ARHGAP18: variants seen among roughly 807,000 people sequenced by gnomAD.
The protein encoded by ARHGAP18 is Rho GTPase activating protein 18.
A neutral mutation model predicts 86.2 loss-of-function variants in ARHGAP18; 67 were observed. That is an observed-to-expected ratio of 0.78 (90% CI 0.64 to 0.95). ARHGAP18 has a LOEUF of 0.95. Ranked by LOEUF, ARHGAP18 falls within the 40% of genes least tolerant of loss-of-function variation. The pLI, the probability that ARHGAP18 is intolerant of heterozygous loss-of-function variation, is 0.00. For synonymous variants in ARHGAP18, 283 were observed against 280.4 expected, an observed-to-expected ratio of 1.01 and a Z score of -0.09; for missense variants, 691 against 780.4, an observed-to-expected ratio of 0.89 and a Z score of 1.37.
chr6:129,610,549 G>T (rs186200442), intron 8 of ARHGAP18, among the ~76,000 whole-genome samples: 1 of 152,344 alleles, frequency 6.6e-6, no homozygotes, highest in South Asian at 2.1e-4. Flanking sequence ...AGAGTGTCTC[G>T]TCTGGCCGGC....
intron 1 of ARHGAP18, among the ~76,000 whole-genome samples, chr6:129,693,383 C>T (rs1341909992): frequency 6.6e-6 from 1 of 152,156 alleles, no homozygotes; most frequent in Non-Finnish European, 1.5e-5. Context: ...GTTTCTGTGT[C>T]ATGCTGGTTC....
intron 1 of ARHGAP18, among the ~76,000 whole-genome samples, chr6:129,675,400 A>G (rs1274154334): frequency 6.6e-6 from 1 of 151,930 alleles, no homozygotes; most frequent in East Asian, 1.9e-4. Context: ...AAAAAAAAAA[A>G]AGAGGTTGAG....
chr6:129,641,756 G>A (rs1294937840), intron 2 of ARHGAP18, 60 bp downstream of exon 2: 3 of 1,396,894 alleles, frequency 2.1e-6, no homozygotes, highest in South Asian at 1.3e-5. Context: ...TCCTTTCTAT[G>A]CATTCATTTC....
At chr6:129,592,584 G>A (rs1788539697) in intron 12 of ARHGAP18, among the ~76,000 whole-genome samples, 1 of 152,194 alleles carries the variant, frequency 6.6e-6, no homozygotes. Flanking sequence ...ATGAGAGAAA[G>A]CCTTTTGTTT....
chr6:129,601,655 T>A (rs1385809151), intron 10 of ARHGAP18, among the ~76,000 whole-genome samples: 1 of 147,562 alleles, frequency 6.8e-6, no homozygotes. Context: ...TGAGACCAGG[T>A]CTCACTCTGT....
chr6:129,709,151 T>G (rs551213272), intron 1 of ARHGAP18, among the ~76,000 whole-genome samples: 1 of 152,352 alleles, frequency 6.6e-6, no homozygotes, highest in African/African-American at 2.4e-5. Context: ...GAAATGTGCT[T>G]ACCGATAACT....
intron 1 of ARHGAP18, among the ~76,000 whole-genome samples, 164 bp downstream of exon 1, chr6:129,709,860 A>G (rs1181712588): frequency 1.3e-5 from 2 of 152,248 alleles, no homozygotes; most frequent in Non-Finnish European, 2.9e-5. Context: ...ACTAGGTGAG[A>G]TGAAAAGTAC....
chr6:129,652,915 C>T (rs1463878707), intron 1 of ARHGAP18, among the ~76,000 whole-genome samples: 2 of 152,076 alleles, frequency 1.3e-5, no homozygotes, highest in African/African-American at 4.8e-5. Flanking sequence ...CGTGGTTTTC[C>T]TTATTTCCTA....
chr6:129,600,625 A>T lies in ARHGAP18; in HGVS notation c.1572+17T>A, dbSNP rs776577047. ...TTTTTTAAACTACTAAGACCAAAGC[A>T]TATGATATATACTTACTGTCCACAG... On this transcript the variant is annotated intron_variant, in intron 11 of 14. Transcript: ENST00000368149. 3.8e-6 allele frequency: 6 copies of T among 1,596,226 alleles called. No homozygotes were observed. The highest frequency in any genetic ancestry group is 5.1e-6 in the Non-Finnish European group (6 of 1,166,258).
At chr6:129,625,466 ATATATATTTTATAT>A (rs1789384781) in intron 5 of ARHGAP18, among the ~76,000 whole-genome samples, 1 of 34,880 alleles carries the variant, frequency 2.9e-5, no homozygotes, top group South Asian at 7.7e-4. Flanking sequence ...ATTATATATA[ATATATATTTTATAT>A]TATATATTAT....
At position 129,618,731 on chromosome 6, in the gene ARHGAP18, C is replaced by T. The variant is rs375652253; in HGVS notation, c.908G>A (p.Gly303Asp). 29 of 1,613,258 alleles carry T rather than the reference C, an allele frequency of 1.8e-5. No individual in the cohort carries two copies. In the African/African-American group the frequency reaches 3.7e-4, roughly 21 times the overall value. ...IELTALYDVL[G>D]IELKQQKAVK... ...AGCTTTTTGTTGTTTCAGCTCAATA[C>T]CCAATACATCATAGAGGGCAGTCAG... The change falls in exon 6 of 15, where the codon GGT becomes GAT. Residue 303 changes from glycine (G) to aspartate (D), a missense_variant. By Grantham distance (94) the Gly-to-Asp change is moderately conservative (BLOSUM62 -1). Transcript: ENST00000368149.
intron 1 of ARHGAP18, among the ~76,000 whole-genome samples, chr6:129,670,945 C>T (rs1774131539): frequency 6.6e-6 from 1 of 152,112 alleles, no homozygotes. Context: ...TAACACTTCC[C>T]AGTACTAAGC....
intron 1 of ARHGAP18, among the ~76,000 whole-genome samples, chr6:129,681,309 C>G (rs1167275239): frequency 6.6e-6 from 1 of 152,184 alleles, no homozygotes; most frequent in Non-Finnish European, 1.5e-5. Context: ...AACTCCTAAC[C>G]TCGTGATCCG....
intron 10 of ARHGAP18, among the ~76,000 whole-genome samples, chr6:129,605,022 T>C (rs1788823941): frequency 6.6e-6 from 1 of 152,162 alleles, no homozygotes; most frequent in Non-Finnish European, 1.5e-5. Flanking sequence ...GCTCTTGTCA[T>C]GAGATTTCAT....
Position 129,638,594 on chromosome 6 carries a change from C to T in ARHGAP18, c.352G>A (p.Gly118Ser), listed in dbSNP as rs1353126704. 8 of 1,613,982 alleles carry T rather than the reference C, an allele frequency of 5.0e-6. No homozygotes were observed. The highest frequency in any genetic ancestry group is 1.3e-5 in the African/African-American group (1 of 74,916). Reference protein sequence around the residue: ...ELEEEWLKEAGLSNLFGESAG... With the variant: ...ELEEEWLKEASLSNLFGESAG... ...GACTCTCCGAAGAGATTGGATAAAC[C>T]GGCCTCTTTAAGCCACTCTTCTTCC... is the stretch of plus-strand genomic sequence containing the variant. The change falls in exon 3 of 15, where the codon GGT becomes AGT. Residue 118 changes from glycine (G) to serine (S), a missense_variant. Physicochemically the swap from Gly to Ser is moderately conservative, Grantham distance 56. Coordinates refer to ENST00000368149, the MANE Select transcript of ARHGAP18 (RefSeq NM_033515.3).
At chr6:129,653,900 A>C (rs574611551) in intron 1 of ARHGAP18, among the ~76,000 whole-genome samples, 48 of 152,074 alleles carry the variant, frequency 3.2e-4, no homozygotes, top group Non-Finnish European at 6.0e-4. Flanking sequence ...ACAATTAGCC[A>C]GGCACAGTGG....
chr6:129,592,544 A>G (rs1270716153), intron 12 of ARHGAP18, among the ~76,000 whole-genome samples: 3 of 152,196 alleles, frequency 2.0e-5, no homozygotes, highest in Non-Finnish European at 4.4e-5. Context: ...TGATACTAGC[A>G]TGTCCCAAGT....
At chr6:129,675,127 T>A (rs1774207602) in intron 1 of ARHGAP18, among the ~76,000 whole-genome samples, 1 of 152,154 alleles carries the variant, frequency 6.6e-6, no homozygotes, top group African/African-American at 2.4e-5. Flanking sequence ...ATGTGTCAGT[T>A]GAGAAACAGA....
At chr6:129,670,688 CTTTT>C (rs11350669) in intron 1 of ARHGAP18, among the ~76,000 whole-genome samples, 18 of 137,996 alleles carry the variant, frequency 1.3e-4, no homozygotes, top group Non-Finnish European at 1.8e-4. Context: ...AGTCGTAACT[CTTTT>C]TTTTTTTTTT....
Sources: allele counts gnomAD v4.1 joint callset (sites outside exome capture counted in the v4.1 genomes callset), GRCh38; gene constraint gnomAD v4.1.1; transcripts MANE v1.5; gene names NCBI Gene and HGNC (gene_info 2026-07-23, HGNC 2026-07-21).